BMAL1: variants seen among roughly 807,000 people sequenced by gnomAD.
BMAL1 encodes the protein basic helix-loop-helix ARNT-like protein 1.
the BMAL1 span, among the ~76,000 whole-genome samples, chr11:13,301,789 G>A: frequency 3.3e-5 from 5 of 152,154 alleles, no homozygotes; most frequent in African/African-American, 9.7e-5. Flanking sequence ...TTTATATGTA[G>A]TAACTCACTT....
chr11:13,293,076 T>C, the BMAL1 span, among the ~76,000 whole-genome samples: 1 of 152,164 alleles, frequency 6.6e-6, no homozygotes, highest in Non-Finnish European at 1.5e-5. Flanking sequence ...AGTTTGAAGC[T>C]GTTGTCAGTA....
At chr11:13,381,144 A>G in the BMAL1 span, 2 of 1,613,208 alleles carry the variant, frequency 1.2e-6, no homozygotes, top group Middle Eastern at 1.7e-4. Flanking sequence ...AGGCAGTGTA[A>G]TTCTCTTTTC....
At chr11:13,375,263 G>A in the BMAL1 span, among the ~76,000 whole-genome samples, 23,455 of 152,178 alleles carry the variant, frequency 0.15, 2,079 homozygotes, top group Admixed American at 0.22. Flanking sequence ...TTGCCCTTGG[G>A]CTTTGTGATT....
At chr11:13,375,874 T>A in the BMAL1 span, 101 of 1,049,214 alleles carry the variant, frequency 9.6e-5, no homozygotes, top group African/African-American at 1.6e-3. Flanking sequence ...TTTAATGCCA[T>A]CTTGCTAATA....
chr11:13,354,395 T>C, the BMAL1 span: 1 of 1,614,224 alleles, frequency 6.2e-7, no homozygotes, highest in Non-Finnish European at 8.5e-7. Context: ...GCTCTCTTGG[T>C]ACCAGTGGTG....
the BMAL1 span, among the ~76,000 whole-genome samples, chr11:13,308,310 C>A: frequency 6.6e-6 from 1 of 152,128 alleles, no homozygotes; most frequent in Admixed American, 6.6e-5. Context: ...ACACAAAGCT[C>A]CCATCTACTT....
chr11:13,315,485 G>A, the BMAL1 span, among the ~76,000 whole-genome samples: 1 of 152,204 alleles, frequency 6.6e-6, no homozygotes, highest in Non-Finnish European at 1.5e-5. Flanking sequence ...TGTTGGCTGA[G>A]GTAAGTGTCA....
At chr11:13,344,241 TC>T in the BMAL1 span, among the ~76,000 whole-genome samples, 1 of 152,188 alleles carries the variant, frequency 6.6e-6, no homozygotes, top group Non-Finnish European at 1.5e-5. Flanking sequence ...AATCATTTTT[TC>T]ATCTGTTTTG....
the BMAL1 span, chr11:13,376,703 GGACA>G: frequency 6.2e-7 from 1 of 1,614,030 alleles, no homozygotes; most frequent in Non-Finnish European, 8.5e-7. Context: ...CCCACAGCAT[GGACA>G]GCATGCTGCC....
the BMAL1 span, chr11:13,365,489 C>T: frequency 1.9e-6 from 3 of 1,610,212 alleles, no homozygotes; most frequent in Non-Finnish European, 2.5e-6. Flanking sequence ...TTATCCATTT[C>T]TCCTGATTAG....
the BMAL1 span, among the ~76,000 whole-genome samples, chr11:13,328,911 A>T: frequency 6.6e-6 from 1 of 152,116 alleles, no homozygotes; most frequent in Admixed American, 6.5e-5. Flanking sequence ...TGAATGGGAG[A>T]TCTAATTATT....
chr11:13,347,418 A>G, the BMAL1 span, among the ~76,000 whole-genome samples: 1 of 152,186 alleles, frequency 6.6e-6, no homozygotes, highest in Non-Finnish European at 1.5e-5. Flanking sequence ...TTTGTTTTGC[A>G]GAAGTACCAA....
At chr11:13,329,716 T>C in the BMAL1 span, among the ~76,000 whole-genome samples, 2 of 152,174 alleles carry the variant, frequency 1.3e-5, no homozygotes, top group Non-Finnish European at 2.9e-5. Flanking sequence ...ACTCACACAC[T>C]GGCATTTGAA....
chr11:13,335,376 T>A, the BMAL1 span, among the ~76,000 whole-genome samples: 1 of 152,216 alleles, frequency 6.6e-6, no homozygotes, highest in Non-Finnish European at 1.5e-5. Flanking sequence ...ATAGCTAACC[T>A]CTCTGCCTCT....
chr11:13,344,532 C>A, the BMAL1 span, among the ~76,000 whole-genome samples: 1 of 152,234 alleles, frequency 6.6e-6, no homozygotes, highest in South Asian at 2.1e-4. Context: ...CTGTCTTCGT[C>A]CCCATTGTGG....
At chr11:13,337,428 CTA>C in the BMAL1 span, among the ~76,000 whole-genome samples, 1 of 151,950 alleles carries the variant, frequency 6.6e-6, no homozygotes, top group Admixed American at 6.6e-5. Context: ...CTATTTATAT[CTA>C]TTGATATATT....
the BMAL1 span, among the ~76,000 whole-genome samples, chr11:13,371,226 A>G: frequency 3.3e-5 from 5 of 152,166 alleles, no homozygotes; most frequent in Non-Finnish European, 5.9e-5. Context: ...GGTGCTCCAC[A>G]TTTAATGTGT....
the BMAL1 span, among the ~76,000 whole-genome samples, chr11:13,329,220 C>A: frequency 6.6e-6 from 1 of 152,146 alleles, no homozygotes; most frequent in African/African-American, 2.4e-5. Context: ...GTCGGATGGC[C>A]AGCAGAACCC....
chr11:13,352,736 G>A, the BMAL1 span, among the ~76,000 whole-genome samples: 2 of 152,224 alleles, frequency 1.3e-5, no homozygotes, highest in Admixed American at 6.5e-5. Flanking sequence ...ATCTAAACAG[G>A]AGGCAGCTGG....
Sources: allele counts gnomAD v4.1 joint callset (sites outside exome capture counted in the v4.1 genomes callset), GRCh38; gene constraint gnomAD v4.1.1; transcripts MANE v1.5; gene names NCBI Gene and HGNC (gene_info 2026-07-23, HGNC 2026-07-21).